The following FANCM variants were observed in gnomAD, a reference collection of about 807,000 sequenced individuals.
The protein encoded by FANCM is FA complementation group M.
Under a neutral mutation model 199.5 loss-of-function variants are expected in FANCM, and 140 were observed. The ratio of observed to expected loss-of-function variants is 0.70; its 90% CI spans 0.61 to 0.81. The LOEUF is 0.81. Among genes scored for constraint, FANCM ranks in the 30% least tolerant of loss-of-function variants. FANCM has a pLI of 0.00. For synonymous variants in FANCM, 840 were observed against 836.8 expected (o/e 1.00, Z -0.07); for missense variants, 2,410 against 2,421.4 (o/e 1.00, Z 0.10).
intron 20 of FANCM, among the ~76,000 whole-genome samples, chr14:45,189,858 C>T (rs1397164490): frequency 3.3e-5 from 5 of 151,372 alleles, no homozygotes; most frequent in African/African-American, 9.7e-5. Flanking sequence ...GTCCCACCTA[C>T]TTGGGAGGTT....
At chr14:45,193,690 A>G (rs1889899678) in intron 20 of FANCM, among the ~76,000 whole-genome samples, 1 of 151,958 alleles carries the variant, frequency 6.6e-6, no homozygotes, top group Admixed American at 6.6e-5. Flanking sequence ...TTTCTATGCC[A>G]GTACCACACT....
intron 4 of FANCM, among the ~76,000 whole-genome samples, chr14:45,150,752 T>C (rs539860763): frequency 2.4e-4 from 36 of 152,358 alleles, no homozygotes; most frequent in Non-Finnish European, 4.1e-4. Flanking sequence ...TTTAGATTCT[T>C]AAATGCATTT....
intron 7 of FANCM, 116 bp from the exon 8 acceptor site, chr14:45,155,257 T>TA (rs1887096508): frequency 1.4e-5 from 8 of 572,142 alleles, no homozygotes; most frequent in South Asian, 1.4e-4. Context: ...TTAAGTTTTT[T>TA]AAAAATTAAA....
chr14:45,195,010 A>G (rs1219473803), intron 20 of FANCM, among the ~76,000 whole-genome samples: 7 of 152,038 alleles, frequency 4.6e-5, no homozygotes, highest in Non-Finnish European at 1.0e-4. Flanking sequence ...CAGCCACCCA[A>G]AGTGCTGGGA....
Position 45,196,432 on chromosome 14 carries a change from T to C in FANCM, c.5601T>C (p.Ser1867=). The change falls in exon 21 of 23, where the codon TCT becomes TCC. Residue 1867 remains serine (S), a synonymous_variant. Transcript: ENST00000267430. The part of the protein sequence containing the change: ...VSNRMVVERR[S]QSEMLNSVNK... ...ATCGCATGGTGGTGGAAAGGAGGTC[T>C]CAATCTGAGATGTTAAATAGTGTCA... is the stretch of plus-strand genomic sequence containing the variant. 1 of 1,614,170 alleles carries C rather than the reference T, an allele frequency of 6.2e-7. No homozygotes were observed. The highest frequency in any genetic ancestry group is 8.5e-7 in the Non-Finnish European group (1 of 1,180,014).
intron 13 of FANCM, among the ~76,000 whole-genome samples, chr14:45,173,448 T>A (rs551783586): frequency 6.6e-6 from 1 of 152,238 alleles, no homozygotes; most frequent in East Asian, 1.9e-4. Context: ...ACTTAAATGA[T>A]TTATGTAAAC....
chr14:45,170,847 T>G (rs1888297443), intron 12 of FANCM, 101 bp downstream of exon 12: 2 of 960,510 alleles, frequency 2.1e-6, no homozygotes, highest in Non-Finnish European at 3.4e-6. Context: ...GCTTTGGGAA[T>G]AATGAGATAA....
rs1056345842 is a variant in FANCM at position 45,198,002 on chromosome 14, C to T, written c.5717-642C>T. Among the ~76,000 whole-genome samples the T allele has an allele frequency of 4.7e-5, 7 of 149,338 alleles. No individual in the cohort carries two copies. In the South Asian group the frequency reaches 8.7e-4, roughly 19 times the overall value. On this transcript the variant is annotated intron_variant, in intron 21 of 22. Transcript: ENST00000267430. ...CAGGATGGTCTCGATTTCTTGACCT[C>T]GTTATCTTCCTGCCTCAGCCTCCCA...
intron 9 of FANCM, among the ~76,000 whole-genome samples, chr14:45,163,390 A>G (rs967143585): frequency 6.6e-6 from 1 of 152,208 alleles, no homozygotes; most frequent in African/African-American, 2.4e-5. Context: ...TTGATGTTGC[A>G]TTATCTCACT....
intron 4 of FANCM, among the ~76,000 whole-genome samples, chr14:45,150,809 C>T (rs1311020060): frequency 1.3e-5 from 2 of 152,146 alleles, no homozygotes; most frequent in African/African-American, 4.8e-5. Context: ...CTTTATTCTT[C>T]GGTTCCCTCC....
chr14:45,156,593 G>A (rs1861694403), intron 8 of FANCM, among the ~76,000 whole-genome samples: 1 of 152,096 alleles, frequency 6.6e-6, no homozygotes, highest in South Asian at 2.1e-4. Flanking sequence ...CTTATTTATT[G>A]TATTTGTTGA....
chr14:45,184,001 GA>G (rs1889231396), intron 17 of FANCM, 99 bp downstream of exon 17: 4 of 877,084 alleles, frequency 4.6e-6, no homozygotes, highest in Admixed American at 3.1e-5. Flanking sequence ...TCTCTTTATA[GA>G]AAAAAATTAA....
At chr14:45,179,734 G>C (rs1240949412) in intron 14 of FANCM, among the ~76,000 whole-genome samples, 1 of 151,626 alleles carries the variant, frequency 6.6e-6, no homozygotes, top group Admixed American at 6.6e-5. Context: ...ACTAATTTTT[G>C]TATTTTTAGT....
chr14:45,144,031 T>G (rs1353606968), intron 3 of FANCM, among the ~76,000 whole-genome samples: 5 of 150,592 alleles, frequency 3.3e-5, no homozygotes, highest in Non-Finnish European at 7.4e-5. Flanking sequence ...TGGCAGCCTT[T>G]TAAAACTTTT....
intron 6 of FANCM, 134 bp downstream of exon 6, chr14:45,154,186 A>G (rs1015343891): frequency 3.3e-6 from 2 of 610,544 alleles, no homozygotes; most frequent in Non-Finnish European, 5.7e-6. Flanking sequence ...GGATCACTTG[A>G]GGTCAGGAGT....
At chr14:45,139,199 T>G (rs1017632373) in intron 2 of FANCM, among the ~76,000 whole-genome samples, 2 of 152,240 alleles carry the variant, frequency 1.3e-5, no homozygotes, top group East Asian at 1.9e-4. Flanking sequence ...ATATTTTATC[T>G]TGCATCAGTT....
chr14:45,136,407 T>A lies in FANCM; in HGVS notation c.376T>A (p.Tyr126Asn), dbSNP rs1431810477. The change falls in exon 1 of 23, where the codon TAC becomes AAC. Residue 126 changes from tyrosine to asparagine, a missense_variant. By Grantham distance (143) the Tyr-to-Asn change is moderately radical. Transcript: ENST00000267430. The part of the protein sequence containing the change: ...GKTFIAAVVM[Y>N]NFYRWFPSGK... Reference sequence around the variant, plus strand: ...GACCTTTATTGCCGCCGTGGTCATGTACAATTTCTACCGCTGGTTCCCTTC... The same window carrying A: ...GACCTTTATTGCCGCCGTGGTCATGAACAATTTCTACCGCTGGTTCCCTTC... 6.2e-7 allele frequency: 1 copy of A among 1,614,224 alleles called. No individual in the cohort carries two copies. Among genetic ancestry groups the A allele is most frequent in the Admixed American group, 1.7e-5 (1 of 60,028 alleles).
At chr14:45,151,926 A>G (rs1265430220) in intron 5 of FANCM, among the ~76,000 whole-genome samples, 1 of 151,960 alleles carries the variant, frequency 6.6e-6, no homozygotes, top group Non-Finnish European at 1.5e-5. Context: ...AAAAAAAAAA[A>G]AAAAAAAATC....
chr14:45,167,785 A>G (rs1888087707), intron 11 of FANCM, among the ~76,000 whole-genome samples: 1 of 152,184 alleles, frequency 6.6e-6, no homozygotes, highest in African/African-American at 2.4e-5. Flanking sequence ...AAACAATCAT[A>G]AAAATCATAT....
Sources: allele counts gnomAD v4.1 joint callset (sites outside exome capture counted in the v4.1 genomes callset), GRCh38; gene constraint gnomAD v4.1.1; transcripts MANE v1.5; gene names NCBI Gene and HGNC (gene_info 2026-07-23, HGNC 2026-07-21).